The following MYO9A variants were observed in gnomAD, a reference collection of about 807,000 sequenced individuals.
MYO9A encodes myosin IXA, also known as unconventional myosin-IXa.
MYO9A carries 103 observed loss-of-function variants against 293.3 expected under a neutral mutation model. That is an observed-to-expected ratio of 0.35 (90% CI 0.30 to 0.41). The LOEUF is 0.41. MYO9A is among the 10% of genes least tolerant of loss of function. MYO9A has a pLI of 1.00. For missense variants in MYO9A, 2,685 were observed against 3,033.0 expected (o/e 0.89, Z 2.69); for synonymous variants, 1,001 against 1,035.7 (o/e 0.97, Z 0.64).
intron 19 of MYO9A, among the ~76,000 whole-genome samples, chr15:71,908,452 T>C (rs1208898182): frequency 3.9e-5 from 6 of 152,218 alleles, no homozygotes; most frequent in Non-Finnish European, 8.8e-5. Flanking sequence ...CGTGAGCCTG[T>C]GCCCGGCCGA....
chr15:72,115,700 T>C (rs1432538820), intron 1 of MYO9A, among the ~76,000 whole-genome samples: 1 of 152,196 alleles, frequency 6.6e-6, no homozygotes. Context: ...CCTTCAATAA[T>C]TTAATAAATA....
rs915605139 is a variant in MYO9A at position 71,898,775 on chromosome 15, C to A, written c.3728G>T (p.Gly1243Val). 1.9e-6 allele frequency: 3 copies of A among 1,614,078 alleles called. No homozygotes were observed. In the Admixed American group the frequency reaches 5.0e-5, roughly 27 times the overall value. ...AAGCACATCTTCCTGCAAGTCCACA[C>A]CACTCTGGCTTTGGGCTCTCTCCTG... ...KQQERAQSQS[G>V]VDLQEDVLVR... Residue 1243 changes from glycine to valine, a missense_variant, in exon 25 of 42, where the codon GGT (glycine) becomes GTT (valine). Coordinates refer to ENST00000356056, the MANE Select transcript of MYO9A (RefSeq NM_006901.4).
At chr15:72,114,944 T>C (rs2080916129) in intron 1 of MYO9A, among the ~76,000 whole-genome samples, 1 of 152,194 alleles carries the variant, frequency 6.6e-6, no homozygotes. Flanking sequence ...CTGAACAAAC[T>C]TCCACATAGT....
At chr15:71,880,275 A>C (rs1260085653) in intron 29 of MYO9A, 60 bp downstream of exon 29, 1 of 1,380,240 alleles carries the variant, frequency 7.2e-7, no homozygotes, top group Non-Finnish European at 1.0e-6. Context: ...ATATCCTGAT[A>C]TACACAAGTA....
intron 5 of MYO9A, among the ~76,000 whole-genome samples, chr15:72,020,093 G>A (rs2077459491): frequency 6.6e-6 from 1 of 152,034 alleles, no homozygotes; most frequent in South Asian, 2.1e-4. Flanking sequence ...ACTGCTATCT[G>A]AACCATCATC....
chr15:71,903,138 C>T, intron 21 of MYO9A, 75 bp from the exon 22 acceptor site: 1 of 1,218,080 alleles, frequency 8.2e-7, no homozygotes. Flanking sequence ...AATTATCATT[C>T]TATTAATCTT....
At chr15:72,063,479 A>G (rs2078932022) in intron 1 of MYO9A, among the ~76,000 whole-genome samples, 1 of 152,236 alleles carries the variant, frequency 6.6e-6, no homozygotes, top group African/African-American at 2.4e-5. Flanking sequence ...GAATGGGAGA[A>G]AATATGTGCA....
At chr15:71,983,522 G>GA (rs1167194265) in intron 11 of MYO9A, among the ~76,000 whole-genome samples, 19 of 139,608 alleles carry the variant, frequency 1.4e-4, no homozygotes, top group African/African-American at 5.1e-4. Flanking sequence ...TGTCACCCAG[G>GA]ATGGAGTGCA....
intron 32 of MYO9A, among the ~76,000 whole-genome samples, 156 bp from the exon 33 acceptor site, chr15:71,862,767 T>A (rs1596055808): frequency 6.6e-6 from 1 of 152,108 alleles, no homozygotes; most frequent in Admixed American, 6.6e-5. Context: ...AAATAAAATA[T>A]ATTTTTCCTG....
At chr15:72,051,651 T>A (rs2078568125) in intron 1 of MYO9A, among the ~76,000 whole-genome samples, 2 of 152,178 alleles carry the variant, frequency 1.3e-5, no homozygotes, top group Admixed American at 6.5e-5. Context: ...GGTCCGAGAC[T>A]GGGCACTGTC....
chr15:72,033,777 T>C (rs1443688344), intron 2 of MYO9A, among the ~76,000 whole-genome samples: 1 of 152,228 alleles, frequency 6.6e-6, no homozygotes, highest in Non-Finnish European at 1.5e-5. Context: ...TAGATTTTAT[T>C]GTAAGTTATA....
chr15:71,998,395 G>C (rs915363109), intron 9 of MYO9A, among the ~76,000 whole-genome samples: 3 of 151,924 alleles, frequency 2.0e-5, no homozygotes, highest in Admixed American at 6.6e-5. Flanking sequence ...AAACCCCCAT[G>C]ACACAAGTTT....
At chr15:71,929,095 AAC>A (rs1015883006) in intron 18 of MYO9A, among the ~76,000 whole-genome samples, 5 of 151,942 alleles carry the variant, frequency 3.3e-5, no homozygotes, top group Admixed American at 6.6e-5. Flanking sequence ...AAAAGCAAGA[AAC>A]ACTGCTGATT....
At chr15:72,096,171 A>G (rs914256294) in intron 1 of MYO9A, among the ~76,000 whole-genome samples, 4 of 149,882 alleles carry the variant, frequency 2.7e-5, no homozygotes, top group East Asian at 2.0e-4. Flanking sequence ...AAAAAAAAAA[A>G]AAAAAGAAAA....
intron 12 of MYO9A, among the ~76,000 whole-genome samples, chr15:71,969,054 C>T (rs1372987629): frequency 1.3e-5 from 2 of 152,162 alleles, no homozygotes; most frequent in Middle Eastern, 6.3e-3. Flanking sequence ...ATTACGCATT[C>T]TATCAGTGAC....
intron 18 of MYO9A, among the ~76,000 whole-genome samples, chr15:71,924,990 G>A (rs1281836128): frequency 1.3e-5 from 2 of 151,954 alleles, no homozygotes; most frequent in East Asian, 1.9e-4. Context: ...TTTTGTAAAT[G>A]TCTGTTAGGT....
At chr15:71,833,412 T>C (rs1336654482) in intron 39 of MYO9A, among the ~76,000 whole-genome samples, 3 of 152,102 alleles carry the variant, frequency 2.0e-5, no homozygotes, top group African/African-American at 7.2e-5. Flanking sequence ...ATGACAAAGG[T>C]TCATATTATG....
At chr15:71,893,249 A>G (rs567487104) in intron 26 of MYO9A, 13 of 1,114,220 alleles carry the variant, frequency 1.2e-5, no homozygotes, top group East Asian at 5.8e-5. Flanking sequence ...GATGATGCCA[A>G]TGAAAGACAT....
At chr15:71,901,521 G>C (rs1048009284) in intron 22 of MYO9A, among the ~76,000 whole-genome samples, 181 bp from the exon 23 acceptor site, 2 of 152,138 alleles carry the variant, frequency 1.3e-5, no homozygotes, top group African/African-American at 2.4e-5. Flanking sequence ...AATTGAAATG[G>C]AGATAGTAGA....
Sources: gnomAD v4.1 joint callset for allele counts (sites outside exome capture counted in the v4.1 genomes callset) on GRCh38, gnomAD v4.1.1 for gene constraint, MANE v1.5 for transcripts, NCBI Gene and HGNC (gene_info 2026-07-23, HGNC 2026-07-21) for gene names.